Variants in TMEM9 observed in about 807,000 individuals in gnomAD.
TMEM9 encodes the protein transmembrane protein 9.
TMEM9 carries 13 observed loss-of-function variants against 22.8 expected under a neutral mutation model. The ratio of observed to expected loss-of-function variants is 0.57; its 90% CI spans 0.37 to 0.91. The LOEUF (loss-of-function observed/expected upper bound fraction) is 0.91, where lower values mean the gene tolerates loss of function less well. Among genes scored for constraint, TMEM9 ranks in the 40% least tolerant of loss-of-function variants. The pLI is 0.01. For missense variants in TMEM9, 182 were observed against 238.1 expected (o/e 0.76, Z 1.55); for synonymous variants, 88 against 93.0 (o/e 0.95, Z 0.31).
Position 201,146,770 on chromosome 1 carries a change from C to A in TMEM9, c.237G>T (p.Arg79Ser). Residue 79 changes from arginine to serine, a missense_variant, in exon 3 of 5, where the codon AGG (arginine) becomes AGT (serine). Physicochemically the swap from Arg to Ser is moderately radical, Grantham distance 110. Transcript: ENST00000367330. ...TGGTGGTGGTGCTGCGCTCCTCGTA[C>A]CTGCACTCGCACAGCAGGCAGTAGG... ...VEAYCLLCECRYEERSTTTIK... is the reference protein window; with the variant it reads ...VEAYCLLCECSYEERSTTTIK... 1 of 1,614,234 alleles carries A rather than the reference C, an allele frequency of 6.2e-7. No individual in the cohort carries two copies. The highest frequency in any genetic ancestry group is 8.5e-7 in the Non-Finnish European group (1 of 1,180,038).
intron 4 of TMEM9, among the ~76,000 whole-genome samples, chr1:201,138,026 G>A (rs1054911955): frequency 3.9e-5 from 6 of 152,190 alleles, no homozygotes; most frequent in Admixed American, 3.9e-4. Flanking sequence ...TTGGCCCACC[G>A]GGACTTGGCT....
chr1:201,153,251 T>C (rs1054705136), intron 1 of TMEM9, among the ~76,000 whole-genome samples: 1 of 152,240 alleles, frequency 6.6e-6, no homozygotes, highest in Non-Finnish European at 1.5e-5. Context: ...AAAATATTTA[T>C]CGGTAGCATA....
intron 1 of TMEM9, among the ~76,000 whole-genome samples, chr1:201,170,136 TG>T (rs1467880279): frequency 6.6e-6 from 1 of 152,182 alleles, no homozygotes; most frequent in Non-Finnish European, 1.5e-5. Flanking sequence ...TGGCATGCCA[TG>T]GGGGTGCATT....
upstream of TMEM9, among the ~76,000 whole-genome samples, chr1:201,157,520 T>C (rs1665834205): frequency 6.6e-6 from 1 of 152,224 alleles, no homozygotes; most frequent in South Asian, 2.1e-4. Context: ...CTGCTTCTTA[T>C]TAGAAGGGAA....
At chr1:201,138,599 T>C (rs1167297974) in intron 4 of TMEM9, among the ~76,000 whole-genome samples, 5 of 152,120 alleles carry the variant, frequency 3.3e-5, no homozygotes, top group Admixed American at 2.6e-4. Flanking sequence ...AAAAAGAGCT[T>C]GGACATGGAT....
chr1:201,144,147 G>A, intron 3 of TMEM9, 196 bp from the exon 4 acceptor site: 1 of 569,912 alleles, frequency 1.8e-6, no homozygotes. Flanking sequence ...CACAGAGGAA[G>A]CACTCTGTCC....
intron 1 of TMEM9, among the ~76,000 whole-genome samples, chr1:201,159,645 C>T (rs550118142): frequency 5.6e-4 from 85 of 150,662 alleles, no homozygotes; most frequent in Non-Finnish European, 9.6e-4. Context: ...AACTCTTGAC[C>T]TCAAGCGATC....
At chr1:201,141,939 T>C (rs147240157) in intron 4 of TMEM9, among the ~76,000 whole-genome samples, 17 of 152,298 alleles carry the variant, frequency 1.1e-4, no homozygotes, top group South Asian at 2.1e-4. Flanking sequence ...ACGGAAATCA[T>C]TGGGCTGCAT....
chr1:201,146,572 G>C, intron 3 of TMEM9, 168 bp downstream of exon 3: 1 of 728,280 alleles, frequency 1.4e-6, no homozygotes, highest in South Asian at 1.5e-5. Flanking sequence ...CTGGCTCCAG[G>C]AAGGTGTGGG....
At chr1:201,157,779 T>C (rs187770683), upstream of TMEM9, among the ~76,000 whole-genome samples, 9 of 152,190 alleles carry the variant, frequency 5.9e-5, no homozygotes, top group Middle Eastern at 0.01. Flanking sequence ...CAGAGGCACT[T>C]GGGAAACCTA....
At chr1:201,140,705 T>G (rs1178680034) in intron 4 of TMEM9, among the ~76,000 whole-genome samples, 2 of 152,182 alleles carry the variant, frequency 1.3e-5, no homozygotes, top group Non-Finnish European at 2.9e-5. Flanking sequence ...TTCTGGGGCG[T>G]AGGGCCTGAA....
chr1:201,146,470 G>A (rs1664980272), intron 3 of TMEM9: 1 of 548,118 alleles, frequency 1.8e-6, no homozygotes, highest in Admixed American at 3.0e-5. Flanking sequence ...AAACTGTAAA[G>A]AATGCAGGGA....
chr1:201,140,326 C>A (rs1044199410), intron 4 of TMEM9, among the ~76,000 whole-genome samples: 1 of 152,234 alleles, frequency 6.6e-6, no homozygotes, highest in Non-Finnish European at 1.5e-5. Context: ...AAAGAGGGCC[C>A]AACCTGCACA....
At chr1:201,143,415 T>C (rs1012316039) in intron 4 of TMEM9, among the ~76,000 whole-genome samples, 5 of 152,224 alleles carry the variant, frequency 3.3e-5, no homozygotes, top group African/African-American at 7.2e-5. Context: ...GAGCAAGTGT[T>C]CAACAGATGT....
chr1:201,144,040 G>A, intron 3 of TMEM9, 89 bp from the exon 4 acceptor site: 1 of 1,461,924 alleles, frequency 6.8e-7, no homozygotes, highest in South Asian at 1.2e-5. Context: ...GTGTCCGGCT[G>A]GCAGTGACTC....
chr1:201,154,938 G>A (rs985793937), upstream of TMEM9, among the ~76,000 whole-genome samples: 1 of 152,190 alleles, frequency 6.6e-6, no homozygotes, highest in Non-Finnish European at 1.5e-5. Context: ...GAGAAATCTA[G>A]GGTTGGCGAT....
chr1:201,137,503 C>T (rs1449319652), intron 4 of TMEM9, among the ~76,000 whole-genome samples: 1 of 151,088 alleles, frequency 6.6e-6, no homozygotes, highest in East Asian at 1.9e-4. Context: ...CACACACACA[C>T]ACACACACAC....
At chr1:201,156,251 C>G (rs539923743), upstream of TMEM9, among the ~76,000 whole-genome samples, 90 of 152,292 alleles carry the variant, frequency 5.9e-4, no homozygotes, top group African/African-American at 2.1e-3. Flanking sequence ...ACTCCTCTCT[C>G]ATATTTCCAC....
chr1:201,153,754 A>G, intron 1 of TMEM9, 104 bp downstream of exon 1: 4 of 1,573,020 alleles, frequency 2.5e-6, no homozygotes, highest in Non-Finnish European at 3.5e-6. Context: ...TAGGTGAGTG[A>G]GAGGCAGGCT....
Sources: gnomAD v4.1 joint callset for allele counts (sites outside exome capture counted in the v4.1 genomes callset) on GRCh38, gnomAD v4.1.1 for gene constraint, MANE v1.5 for transcripts, NCBI Gene and HGNC (gene_info 2026-07-23, HGNC 2026-07-21) for gene names.